The following LDLRAD1 variants were observed in gnomAD, a reference collection of about 807,000 sequenced individuals.
LDLRAD1 encodes low density lipoprotein receptor class A domain containing 1, also known as low-density lipoprotein receptor class A domain-containing protein 1.
LDLRAD1 carries 17 observed loss-of-function variants against 24.8 expected under a neutral mutation model. The observed-to-expected ratio is 0.69, with a 90% CI of 0.47 to 1.03. LDLRAD1 has a LOEUF of 1.03. LDLRAD1 is among the 50% of genes least tolerant of loss of function. LDLRAD1 has a pLI of 0.00. For missense variants in LDLRAD1, 277 were observed against 271.0 expected, an observed-to-expected ratio of 1.02 and a Z score of -0.16; for synonymous variants, 103 against 108.2, an observed-to-expected ratio of 0.95 and a Z score of 0.30.
chr1:54,013,114 A>C (rs985020590), intron 3 of LDLRAD1, among the ~76,000 whole-genome samples: 2 of 152,114 alleles, frequency 1.3e-5, no homozygotes, highest in Admixed American at 1.3e-4. Flanking sequence ...ACACACACAG[A>C]TGCACACACA....
chr1:54,010,236 G>A, intron 5 of LDLRAD1, 46 bp downstream of exon 5: 1 of 1,608,090 alleles, frequency 6.2e-7, no homozygotes, highest in African/African-American at 1.3e-5. Flanking sequence ...CCCTCTGGCT[G>A]CTGCCTGGAC....
At chr1:54,015,949 C>G (rs927001661) in intron 2 of LDLRAD1, among the ~76,000 whole-genome samples, 1 of 152,144 alleles carries the variant, frequency 6.6e-6, no homozygotes, top group Non-Finnish European at 1.5e-5. Flanking sequence ...GCCACCACAC[C>G]GGCCTGGGGC....
In LDLRAD1 at chr1:54,008,663, C is replaced by G. The variant is rs1016898013; in HGVS notation, c.*319G>C. ...CTCCTGGGTTCACACAGTCCTCCCA[C>G]CTCAGCCTCCCTAGTAGCTGGGACT... is the stretch of plus-strand genomic sequence containing the variant. On this transcript the variant is annotated 3_prime_UTR_variant, in exon 6 of 6. Transcript: ENST00000371360. 1 of 242,810 alleles carries G rather than the reference C, an allele frequency of 4.1e-6. No homozygotes were observed. The highest frequency in any genetic ancestry group is 8.1e-6 in the Non-Finnish European group (1 of 123,904). 15.0% of individuals were successfully genotyped at this position (242,810 alleles called of 1,614,324 possible).
intron 1 of LDLRAD1, 73 bp downstream of exon 1, chr1:54,018,019 C>T (rs1656385794): frequency 7.4e-7 from 1 of 1,352,602 alleles, no homozygotes; most frequent in Non-Finnish European, 1.1e-6. Context: ...GGGGACAGCT[C>T]TCACCTGGGG....
chr1:54,014,507 G>T, intron 2 of LDLRAD1, 143 bp from the exon 3 acceptor site: 2 of 796,380 alleles, frequency 2.5e-6, no homozygotes, highest in Non-Finnish European at 4.0e-6. Flanking sequence ...CCCTGGAGGA[G>T]CAGCTCCCAA....
At chr1:54,016,953 G>A (rs937240696) in intron 2 of LDLRAD1, among the ~76,000 whole-genome samples, 2 of 152,200 alleles carry the variant, frequency 1.3e-5, no homozygotes, top group South Asian at 4.1e-4. Flanking sequence ...ATTTTCAGAA[G>A]GGTAAAGAGG....
In LDLRAD1 at chr1:54,007,707, A is replaced by G. The variant is rs1655875336; in HGVS notation, c.*1275T>C. On this transcript the variant is annotated 3_prime_UTR_variant, in exon 6 of 6. Coordinates refer to ENST00000371360, the MANE Select transcript of LDLRAD1 (RefSeq NM_001010978.4). Reference sequence around the variant, plus strand: ...TGGGACACTTCCACCTCAGTGTCCCAAAGTGCTGGGATCATAGGCATGAGC... The same window carrying G: ...TGGGACACTTCCACCTCAGTGTCCCGAAGTGCTGGGATCATAGGCATGAGC... 1 of 152,350 alleles carries G rather than the reference A, an allele frequency of 6.6e-6. No individual in the cohort carries two copies. The highest frequency in any genetic ancestry group is 1.5e-5 in the Non-Finnish European group (1 of 68,158). The allele number at this position is 152,350 out of a possible 1,614,324, so 9.4% of individuals were successfully genotyped here.
rs759299808 is a variant in LDLRAD1, at chr1:54,014,196, C to T, written c.202+40G>A. ...ATCTCTCTGTGCCCTCCCATGCCCT[C>T]CCCGCCGGGTCTGACCCACCCTCTC... On this transcript the variant is annotated intron_variant, in intron 3 of 5. Coordinates refer to ENST00000371360, the MANE Select transcript of LDLRAD1 (RefSeq NM_001010978.4). 4 of 1,562,506 alleles carry T rather than the reference C, an allele frequency of 2.6e-6. No homozygotes were observed. The Admixed American group carries it at 7.5e-5, about 29-fold the overall frequency.
intron 4 of LDLRAD1, among the ~76,000 whole-genome samples, chr1:54,011,771 C>T (rs900802852): frequency 6.6e-5 from 10 of 152,196 alleles, no homozygotes; most frequent in African/African-American, 2.4e-4. Flanking sequence ...ATGTGCCAAT[C>T]AAGAGCGACA....
At chr1:54,009,606 T>C (rs1655963060) in intron 5 of LDLRAD1, among the ~76,000 whole-genome samples, 1 of 152,176 alleles carries the variant, frequency 6.6e-6, no homozygotes, top group Non-Finnish European at 1.5e-5. Context: ...AAATCTCCCT[T>C]GATTCCTCCA....
At chr1:54,013,347 A>G (rs1393357392) in intron 3 of LDLRAD1, among the ~76,000 whole-genome samples, 2 of 151,946 alleles carry the variant, frequency 1.3e-5, no homozygotes, top group African/African-American at 4.8e-5. Flanking sequence ...GGGCAGGGGG[A>G]GCGCTGCGAA....
In LDLRAD1 at chr1:54,013,149, C is replaced by G. The variant is rs60003302; in HGVS notation, c.203-869G>C. Among the ~76,000 whole-genome samples the G allele has an allele frequency of 4.2e-3, 641 of 152,254 alleles. 7 individuals are homozygous for G. Among genetic ancestry groups the G allele is most frequent in the African/African-American group, 0.015 (606 of 41,514 alleles). On this transcript the variant is annotated intron_variant, in intron 3 of 5. Transcript: ENST00000371360. The stretch of plus-strand genomic sequence containing the variant: ...ACATGAACACATGCTCACACACACA[C>G]TGCTGCACCTATGTGCACACTCACA...
intron 4 of LDLRAD1, among the ~76,000 whole-genome samples, chr1:54,010,887 T>C (rs1656023874): frequency 1.3e-5 from 2 of 152,194 alleles, no homozygotes; most frequent in Non-Finnish European, 2.9e-5. Context: ...AGCACCTTTC[T>C]TGAAAGTGTG....
intron 3 of LDLRAD1, among the ~76,000 whole-genome samples, chr1:54,012,744 C>G (rs1343083853): frequency 2.0e-5 from 3 of 152,094 alleles, no homozygotes; most frequent in Non-Finnish European, 4.4e-5. Flanking sequence ...GGCTGGAGGG[C>G]CATATGTCAT....
chr1:54,013,959 C>T (rs1349065450), intron 3 of LDLRAD1, among the ~76,000 whole-genome samples: 2 of 151,568 alleles, frequency 1.3e-5, no homozygotes, highest in African/African-American at 2.4e-5. Context: ...AGAAGAGGCT[C>T]GTAACCCATC....
intron 3 of LDLRAD1, 95 bp from the exon 4 acceptor site, chr1:54,012,375 G>T: frequency 2.9e-6 from 4 of 1,391,322 alleles, no homozygotes; most frequent in Non-Finnish European, 4.0e-6. Flanking sequence ...GGCCTGAGGG[G>T]CTGGGGCAGT....
intron 5 of LDLRAD1, among the ~76,000 whole-genome samples, chr1:54,009,470 A>T (rs1655959015): frequency 6.6e-6 from 1 of 152,086 alleles, no homozygotes; most frequent in Non-Finnish European, 1.5e-5. Flanking sequence ...ACCTGCCATG[A>T]CTGCCTGAGG....
intron 3 of LDLRAD1, among the ~76,000 whole-genome samples, chr1:54,013,346 G>T (rs1292108034): frequency 1.3e-5 from 2 of 152,058 alleles, no homozygotes; most frequent in Non-Finnish European, 2.9e-5. Context: ...AGGGCAGGGG[G>T]AGCGCTGCGA....
chr1:54,015,791 G>A (rs1302237011), intron 2 of LDLRAD1, among the ~76,000 whole-genome samples: 1 of 152,066 alleles, frequency 6.6e-6, no homozygotes, highest in Admixed American at 6.6e-5. Context: ...GAGTAGCTGG[G>A]ATGACAGGCG....
Sources: allele counts gnomAD v4.1 joint callset (sites outside exome capture counted in the v4.1 genomes callset), GRCh38; gene constraint gnomAD v4.1.1; transcripts MANE v1.5; gene names NCBI Gene and HGNC (gene_info 2026-07-23, HGNC 2026-07-21).